Variants in DNM3 observed in about 807,000 individuals in gnomAD.
DNM3 encodes the protein dynamin 3.
DNM3 carries 47 observed loss-of-function variants against 101.6 expected under a neutral mutation model. The ratio of observed to expected loss-of-function variants is 0.46; its 90% CI spans 0.37 to 0.59. The LOEUF (loss-of-function observed/expected upper bound fraction) is 0.59. Among genes scored for constraint, DNM3 ranks in the 20% least tolerant of loss-of-function variants. The pLI is 0.00. For missense variants in DNM3, 849 were observed against 1,085.7 expected (o/e 0.78, Z 3.06); for synonymous variants, 385 against 387.9 (o/e 0.99, Z 0.09).
At chr1:172,354,396 C>T (rs2067347621) in intron 17 of DNM3, among the ~76,000 whole-genome samples, 1 of 152,090 alleles carries the variant, frequency 6.6e-6, no homozygotes, top group South Asian at 2.1e-4. Context: ...ATAGGAGAGG[C>T]CAGGCTCCTC....
chr1:172,386,537 G>A (rs947577730), intron 18 of DNM3, among the ~76,000 whole-genome samples: 2 of 152,214 alleles, frequency 1.3e-5, no homozygotes, highest in African/African-American at 4.8e-5. Flanking sequence ...GGAAAACAGA[G>A]TGCATCTCTT....
At chr1:171,880,464 TG>T (rs1397893856) in intron 1 of DNM3, among the ~76,000 whole-genome samples, 3 of 152,196 alleles carry the variant, frequency 2.0e-5, no homozygotes, top group Non-Finnish European at 4.4e-5. Flanking sequence ...TGCATTTAAT[TG>T]GGATTATTTT....
intron 3 of DNM3, 105 bp downstream of exon 3, chr1:171,987,910 G>A: frequency 8.4e-7 from 1 of 1,192,310 alleles, no homozygotes; most frequent in Non-Finnish European, 1.1e-6. Context: ...TGGGTTTCTA[G>A]GGTATCCTTT....
At chr1:172,332,616 G>T (rs1237230945) in intron 17 of DNM3, among the ~76,000 whole-genome samples, 1 of 152,124 alleles carries the variant, frequency 6.6e-6, no homozygotes, top group African/African-American at 2.4e-5. Flanking sequence ...GCCAGCTGGG[G>T]CTTTTCTCTT....
chr1:171,886,402 T>C (rs1020760524), intron 1 of DNM3, among the ~76,000 whole-genome samples: 1 of 152,206 alleles, frequency 6.6e-6, no homozygotes, highest in African/African-American at 2.4e-5. Flanking sequence ...CTGAGGCATT[T>C]AAAATTGTTT....
chr1:172,193,850 C>G (rs1367853467), intron 14 of DNM3, among the ~76,000 whole-genome samples: 2 of 152,068 alleles, frequency 1.3e-5, no homozygotes, highest in African/African-American at 4.8e-5. Flanking sequence ...TTTTTTGTGT[C>G]TCTGTTTCCT....
chr1:172,397,878 T>C (rs1273687143), intron 20 of DNM3, among the ~76,000 whole-genome samples: 1 of 152,210 alleles, frequency 6.6e-6, no homozygotes, highest in African/African-American at 2.4e-5. Context: ...CTCATGCCAA[T>C]AATTATTGCT....
At chr1:172,412,798 T>C (rs1260050475), downstream of DNM3, 4 of 934,844 alleles carry the variant, frequency 4.3e-6, no homozygotes, top group Non-Finnish European at 5.1e-6. Context: ...TATTTATAGC[T>C]CTTTTGATTA....
rs143404356 is a variant in DNM3 at position 172,177,426 on chromosome 1, T to C, written c.1659+46138T>C. Among the ~76,000 whole-genome samples the C allele has an allele frequency of 2.0e-5, 3 of 152,000 alleles. No individual in the cohort carries two copies. In the East Asian group the frequency reaches 5.8e-4, roughly 30 times the overall value. On this transcript the variant is annotated intron_variant, in intron 14 of 20. Coordinates refer to ENST00000627582, the MANE Select transcript of DNM3 (RefSeq NM_015569.5). The stretch of plus-strand genomic sequence containing the variant: ...TATGGGAAAAAAGACATGGTATATT[T>C]AGGGTTTGTTACAATTCAAGGTTTT...
chr1:172,258,650 A>C (rs1403800546), intron 15 of DNM3, among the ~76,000 whole-genome samples: 1 of 152,006 alleles, frequency 6.6e-6, no homozygotes, highest in African/African-American at 2.4e-5. Context: ...CTTCCTGATT[A>C]GTCTTACGAT....
chr1:172,061,399 G>A (rs1371176669), intron 10 of DNM3, among the ~76,000 whole-genome samples: 2 of 150,606 alleles, frequency 1.3e-5, no homozygotes, highest in Non-Finnish European at 2.9e-5. Context: ...ATATGCACAT[G>A]TATGTTTATT....
chr1:171,846,036 G>A (rs533949237), intron 1 of DNM3, among the ~76,000 whole-genome samples: 90 of 152,190 alleles, frequency 5.9e-4, no homozygotes, highest in African/African-American at 2.1e-3. Context: ...TTGCTTCTAA[G>A]TATTATAGTT....
intron 15 of DNM3, among the ~76,000 whole-genome samples, chr1:172,292,615 A>ACG (rs1402728267): frequency 6.7e-6 from 1 of 149,528 alleles, no homozygotes; most frequent in African/African-American, 2.5e-5. Flanking sequence ...ACACACACAC[A>ACG]CACACACACG....
chr1:171,851,970 T>C (rs1000662948), intron 1 of DNM3, among the ~76,000 whole-genome samples: 2 of 152,386 alleles, frequency 1.3e-5, no homozygotes, highest in Admixed American at 1.3e-4. Flanking sequence ...ATATTACTTC[T>C]AGTCATTTAT....
chr1:172,053,097 G>A (rs1205626741), intron 10 of DNM3, among the ~76,000 whole-genome samples: 3 of 151,748 alleles, frequency 2.0e-5, no homozygotes, highest in East Asian at 1.9e-4. Context: ...ATTATTCAAC[G>A]ACTCCTCAGA....
intron 17 of DNM3, among the ~76,000 whole-genome samples, chr1:172,326,872 T>C (rs1013702605): frequency 5.9e-5 from 9 of 152,110 alleles, no homozygotes; most frequent in Non-Finnish European, 1.0e-4. Context: ...AAAAGCCACA[T>C]GTAAGCTCGT....
intron 2 of DNM3, among the ~76,000 whole-genome samples, chr1:171,971,650 C>G (rs2044000931): frequency 6.6e-6 from 1 of 151,864 alleles, no homozygotes; most frequent in South Asian, 2.1e-4. Flanking sequence ...ACCTAAGAAG[C>G]AAAATAGTCT....
intron 17 of DNM3, among the ~76,000 whole-genome samples, chr1:172,351,619 G>C (rs2067206705): frequency 6.6e-6 from 1 of 152,146 alleles, no homozygotes; most frequent in East Asian, 1.9e-4. Flanking sequence ...AGGAAAATAA[G>C]TTTGGATGTT....
At chr1:172,087,181 C>G (rs1572449193) in intron 12 of DNM3, among the ~76,000 whole-genome samples, 1 of 152,264 alleles carries the variant, frequency 6.6e-6, no homozygotes, top group East Asian at 1.9e-4. Flanking sequence ...GAGATCTGTT[C>G]CTTTGCTTCA....
Sources: allele counts gnomAD v4.1 joint callset (sites outside exome capture counted in the v4.1 genomes callset), GRCh38; gene constraint gnomAD v4.1.1; transcripts MANE v1.5; gene names NCBI Gene and HGNC (gene_info 2026-07-23, HGNC 2026-07-21).